Variants in UBTF observed in about 807,000 individuals in gnomAD.
UBTF encodes nucleolar transcription factor 1.
Under a neutral mutation model 112.3 loss-of-function variants are expected in UBTF, and 8 were observed. That is an observed-to-expected ratio of 0.07 (90% CI 0.04 to 0.13). The LOEUF is 0.13. UBTF is among the 10% of genes least tolerant of loss of function. The pLI is 1.00. For synonymous variants in UBTF, 417 were observed against 373.1 expected, an observed-to-expected ratio of 1.12 and a Z score of -1.36; for missense variants, 457 against 982.1, an observed-to-expected ratio of 0.47 and a Z score of 7.15.
intron 1 of UBTF, chr17:44,218,871 C>T (rs1028673715): frequency 7.9e-5 from 12 of 151,442 alleles, no homozygotes; most frequent in East Asian, 3.9e-4. Flanking sequence ...GCCGCTCCCC[C>T]CTCCCGGGCT....
chr17:44,213,719 C>A (rs372618602), intron 5 of UBTF, among the ~76,000 whole-genome samples: 1 of 152,178 alleles, frequency 6.6e-6, no homozygotes, highest in African/African-American at 2.4e-5. Flanking sequence ...TCCCCTTGTA[C>A]GTAGCCTCTA....
chr17:44,208,275 T>C (rs886904859), intron 17 of UBTF, among the ~76,000 whole-genome samples: 3 of 151,990 alleles, frequency 2.0e-5, no homozygotes, highest in Non-Finnish European at 2.9e-5. Context: ...TGCTACCTTA[T>C]AATTTTTTGT....
chr17:44,221,151 G>A (rs376057127), upstream of UBTF: 2 of 151,698 alleles, frequency 1.3e-5, no homozygotes, highest in Non-Finnish European at 2.9e-5. Context: ...CTTTTTGCAG[G>A]GCGGGCATGT....
intron 13 of UBTF, 58 bp from the exon 14 acceptor site, chr17:44,210,531 C>G: frequency 6.7e-7 from 1 of 1,494,326 alleles, no homozygotes; most frequent in Non-Finnish European, 8.8e-7. Context: ...GCGCGCTCCC[C>G]GCGCAGCAGC....
At chr17:44,219,952 A>T (rs1317772506), upstream of UBTF, among the ~76,000 whole-genome samples, 3 of 147,462 alleles carry the variant, frequency 2.0e-5, no homozygotes, top group Non-Finnish European at 4.5e-5. Context: ...CGCGGGGGGC[A>T]GCTGGGAGGA....
At chr17:44,214,161 G>A (rs975910885) in intron 5 of UBTF, among the ~76,000 whole-genome samples, 8 of 152,176 alleles carry the variant, frequency 5.3e-5, no homozygotes, top group African/African-American at 1.9e-4. Context: ...GCACTGGCAG[G>A]TGCCAGGAGC....
chr17:44,215,314 G>A (rs539599812), intron 5 of UBTF: 1 of 244,256 alleles, frequency 4.1e-6, no homozygotes, highest in Non-Finnish European at 8.0e-6. Flanking sequence ...ACCATGACGG[G>A]AAACGTCATA....
rs2229285 is a variant in UBTF, at chr17:44,207,133, G to C, written c.*109C>G. ...TTTTTTTTAAAGAAAGAAAGAAAGT[G>C]GGGGAGGCCAGGGGGGCAAGGGACA... On this transcript the variant is annotated 3_prime_UTR_variant, in exon 21 of 21. Coordinates refer to ENST00000436088, the MANE Select transcript of UBTF (RefSeq NM_014233.4). 8.0e-4 allele frequency: 977 copies of C among 1,219,788 alleles called. 1 individual carries two copies. Among genetic ancestry groups the C allele is most frequent in the Non-Finnish European group, 9.8e-4 (859 of 875,154 alleles). 75.6% of individuals were successfully genotyped at this position (1,219,788 alleles called of 1,614,324 possible). A position where few individuals can be genotyped will look rare whatever the true frequency, so the allele number is the denominator to read the frequency against.
At chr17:44,216,859 G>A (rs942661808) in intron 2 of UBTF, among the ~76,000 whole-genome samples, 155 bp from the exon 3 acceptor site, 2 of 152,192 alleles carry the variant, frequency 1.3e-5, no homozygotes, top group Non-Finnish European at 2.9e-5. Flanking sequence ...TCAGCCCTAA[G>A]GAAACTGTGG....
At chr17:44,219,194 CG>C (rs1317610968) in intron 1 of UBTF, 1 of 151,122 alleles carries the variant, frequency 6.6e-6, no homozygotes, top group Non-Finnish European at 1.5e-5. Flanking sequence ...CTCCGGCGGC[CG>C]GGGAGAACTG....
intron 2 of UBTF, 57 bp from the exon 3 acceptor site, chr17:44,216,761 TC>T: frequency 6.3e-7 from 1 of 1,577,534 alleles, no homozygotes. Context: ...CCCGATCTGT[TC>T]CCCAGTTCTT....
rs1024705370 is a variant in UBTF at position 44,210,778 on chromosome 17, C to T, written c.1359+14G>A. 12 of 1,557,028 alleles carry T rather than the reference C, an allele frequency of 7.7e-6. No individual in the cohort carries two copies. The highest frequency in any genetic ancestry group is 1.0e-5 in the Non-Finnish European group (12 of 1,150,044). On this transcript the variant is annotated intron_variant, in intron 13 of 20. Transcript: ENST00000436088. ...GCCCCCCTGGGGGCACAGCGCTCCGCCAGGCAGCCTGACCTTCTTCTTCTC... is the reference window on the plus strand; with the variant it reads ...GCCCCCCTGGGGGCACAGCGCTCCGTCAGGCAGCCTGACCTTCTTCTTCTC...
upstream of UBTF, chr17:44,220,986 C>G (rs1413000631): frequency 6.7e-6 from 1 of 149,482 alleles, no homozygotes; most frequent in East Asian, 1.9e-4. Flanking sequence ...TCAGAGCCGC[C>G]TCGGCGCCGC....
rs2056684182 is a variant in UBTF, at chr17:44,211,639, C to A, written c.1014G>T (p.Lys338Asn). ...CSQQWKLLSQ[K>N]EKDAYHKKCD... Reference sequence around the variant, plus strand: ...ACTTCTTGTGATAGGCGTCCTTCTCCTTCTGGGACAGCAGCTTCCACTGCT... The same window carrying A: ...ACTTCTTGTGATAGGCGTCCTTCTCATTCTGGGACAGCAGCTTCCACTGCT... Residue 338 changes from lysine to asparagine, a missense_variant, in exon 10 of 21, where the codon AAG becomes AAT. Coordinates refer to ENST00000436088, the MANE Select transcript of UBTF (RefSeq NM_014233.4). The surrounding 1 kb of genome is among the most constrained non-coding windows in gnomAD (Gnocchi z 4.9). 6.2e-7 allele frequency: 1 copy of A among 1,611,656 alleles called. No homozygotes were observed. The highest frequency in any genetic ancestry group is 8.5e-7 in the Non-Finnish European group (1 of 1,179,982).
Position 44,207,920 on chromosome 17 carries a change from G to C in UBTF, c.1906-9C>G. The C allele has an allele frequency of 6.2e-7, 1 of 1,613,780 alleles. No homozygotes were observed. The highest frequency in any genetic ancestry group is 8.5e-7 in the Non-Finnish European group (1 of 1,179,996). On this transcript the variant is annotated splice_polypyrimidine_tract_variant and intron_variant, in intron 17 of 20. Coordinates refer to ENST00000436088, the MANE Select transcript of UBTF (RefSeq NM_014233.4). ...TCCTGGGGAGACAGGCTCTGGGGGA[G>C]ACAGAAGCGGCAAGGGTTGGAACAT...
intron 13 of UBTF, 78 bp downstream of exon 13, chr17:44,210,714 G>C: frequency 8.5e-6 from 13 of 1,530,378 alleles, no homozygotes; most frequent in Non-Finnish European, 1.1e-5. Context: ...CCAGGGGCGA[G>C]GTGGCACGGC....
intron 5 of UBTF, among the ~76,000 whole-genome samples, chr17:44,214,874 C>T (rs1360031141): frequency 2.0e-5 from 3 of 152,182 alleles, no homozygotes; most frequent in Non-Finnish European, 4.4e-5. Flanking sequence ...TTCTTTGTGT[C>T]CTCTGTCCCC....
chr17:44,218,678 A>C (rs1211928979), intron 1 of UBTF: 1 of 152,492 alleles, frequency 6.6e-6, no homozygotes, highest in African/African-American at 2.5e-5. Context: ...GGGGAAGAGG[A>C]AGGGCGGGTA....
upstream of UBTF, among the ~76,000 whole-genome samples, chr17:44,220,499 G>A (rs1347877783): frequency 1.8e-5 from 2 of 114,164 alleles, no homozygotes; most frequent in Admixed American, 7.7e-5. Flanking sequence ...CGGCACATAC[G>A]AAACTTAAAA....
Sources: allele counts gnomAD v4.1 joint callset (sites outside exome capture counted in the v4.1 genomes callset), GRCh38; gene constraint gnomAD v4.1.1; non-coding constraint Gnocchi (gnomAD v3.1); transcripts MANE v1.5; gene names NCBI Gene and HGNC (gene_info 2026-07-23, HGNC 2026-07-21).